The following CENPN variants were observed in gnomAD, a reference collection of about 807,000 sequenced individuals.
CENPN encodes interphase centromere complex protein 32.
CENPN carries 36 observed loss-of-function variants against 48.6 expected under a neutral mutation model. That is an observed-to-expected ratio of 0.74 (90% CI 0.57 to 0.98). The LOEUF (loss-of-function observed/expected upper bound fraction) is 0.98, where lower values mean the gene tolerates loss of function less well. Ranked by LOEUF, CENPN falls within the 50% of genes least tolerant of loss-of-function variation. CENPN has a pLI of 0.00. For missense variants in CENPN, 439 were observed against 399.2 expected, an observed-to-expected ratio of 1.10 and a Z score of -0.85; for synonymous variants, 166 against 135.2, an observed-to-expected ratio of 1.23 and a Z score of -1.58.
intron 6 of CENPN, chr16:81,022,384 A>G (rs563989514): frequency 6.1e-6 from 3 of 490,722 alleles, no homozygotes; most frequent in South Asian, 2.8e-5. Context: ...TTTCTAAGAA[A>G]TGATACAAAA....
At chr16:81,017,289 T>A in intron 3 of CENPN, 37 bp from the exon 4 acceptor site, 1 of 1,391,966 alleles carries the variant, frequency 7.2e-7, no homozygotes, top group East Asian at 2.3e-5. Context: ...CAAAGTTCTA[T>A]GATATGCTAG....
downstream of CENPN, among the ~76,000 whole-genome samples, chr16:81,032,384 A>C (rs147037125): frequency 3.3e-5 from 5 of 152,272 alleles, no homozygotes; most frequent in Admixed American, 2.0e-4. Flanking sequence ...GAAGAATTAC[A>C]CACGTTCCCC....
At chr16:81,023,235 C>A in intron 7 of CENPN, 1 of 253,736 alleles carries the variant, frequency 3.9e-6, no homozygotes, top group Non-Finnish European at 7.7e-6. Context: ...TGGCAGATGT[C>A]TGCATATGTG....
At position 81,020,254 on chromosome 16, in the gene CENPN, G is replaced by A. The variant is rs753087047; in HGVS notation, c.509G>A (p.Arg170His). ...TTCACGTCCTCCTCCATGCTGAGGC[G>A]CAATACACCGCTTCTGGGTCAGGTA... Reference protein sequence around the residue: ...YAFTSSSMLRRNTPLLGQALT... With the variant: ...YAFTSSSMLRHNTPLLGQALT... The change falls in exon 6 of 11, where the codon CGC becomes CAC. Residue 170 changes from arginine (R) to histidine (H), a missense_variant. Coordinates refer to ENST00000305850, the MANE Select transcript of CENPN (RefSeq NM_001100624.3). 15 of 1,609,780 alleles carry A rather than the reference G, an allele frequency of 9.3e-6. No homozygotes were observed. Among genetic ancestry groups the A allele is most frequent in the African/African-American group, 4.0e-5 (3 of 74,630 alleles).
chr16:81,021,395 G>T (rs962009737), intron 6 of CENPN, among the ~76,000 whole-genome samples: 10 of 152,010 alleles, frequency 6.6e-5, no homozygotes, highest in African/African-American at 2.4e-4. Context: ...AACCTCAGTG[G>T]CACCTTCAAT....
chr16:81,015,746 C>A (rs1969905508), intron 3 of CENPN, among the ~76,000 whole-genome samples: 1 of 152,242 alleles, frequency 6.6e-6, no homozygotes, highest in Admixed American at 6.5e-5. Flanking sequence ...TGGCTCACAC[C>A]TGTAATCCCA....
rs935041896 is a variant in CENPN, at chr16:81,031,335, A to G, written c.*2684A>G. On this transcript the variant is annotated 3_prime_UTR_variant, in exon 11 of 11. Transcript: ENST00000305850. ...TTGTACTAAGCCAGTTGCCTCTTTC[A>G]AAACAACTTGTCAACTTGTCTAATC... 1 of 152,236 alleles carries G rather than the reference A, an allele frequency of 6.6e-6. No homozygotes were observed. Among genetic ancestry groups the G allele is most frequent in the Non-Finnish European group, 1.5e-5 (1 of 68,052 alleles). The allele number at this position is 152,236 out of a possible 1,614,324, so 9.4% of individuals were successfully genotyped here. A position where few individuals can be genotyped will look rare whatever the true frequency, so the allele number is the denominator to read the frequency against.
At position 81,010,967 on chromosome 16, in the gene CENPN, G is replaced by T. The variant is rs868838657; in HGVS notation, c.-10-963G>T. Among the ~76,000 whole-genome samples the T allele has an allele frequency of 2.0e-5, 3 of 152,284 alleles. No individual in the cohort carries two copies. The South Asian group carries it at 6.2e-4, about 32-fold the overall frequency. ...TAGCGAGATTGATCCTGGTAGAAAA[G>T]CTAAACAAGAGCATGTCCTGCCTGT... On this transcript the variant is annotated intron_variant, in intron 1 of 10. Coordinates refer to ENST00000305850, the MANE Select transcript of CENPN (RefSeq NM_001100624.3).
chr16:81,017,695 A>C, intron 4 of CENPN, 63 bp from the exon 5 acceptor site: 1 of 1,125,744 alleles, frequency 8.9e-7, no homozygotes, highest in Non-Finnish European at 1.3e-6. Context: ...TACTTTACGA[A>C]TGTATTTACT....
intron 3 of CENPN, among the ~76,000 whole-genome samples, chr16:81,015,040 G>A (rs1382655898): frequency 1.3e-5 from 2 of 152,192 alleles, no homozygotes; most frequent in Admixed American, 6.5e-5. Flanking sequence ...ATGAAGGTTA[G>A]GTGAATTATT....
intron 3 of CENPN, 183 bp downstream of exon 3, chr16:81,014,364 A>G: frequency 1.7e-6 from 1 of 599,982 alleles, no homozygotes; most frequent in Non-Finnish European, 3.0e-6. Flanking sequence ...CCTCCCGAGT[A>G]GCTGGGACTA....
chr16:81,031,668 T>C (rs935852100), downstream of CENPN, among the ~76,000 whole-genome samples: 9 of 152,224 alleles, frequency 5.9e-5, no homozygotes, highest in Admixed American at 3.9e-4. Flanking sequence ...AGTTGTCTCA[T>C]TCCTTAACCC....
At position 81,030,500 on chromosome 16, in the gene CENPN, G is replaced by A. The variant is rs865906169; in HGVS notation, c.*1849G>A. The A allele has an allele frequency of 1.4e-6, 1 of 729,034 alleles. No individual in the cohort carries two copies. The highest frequency in any genetic ancestry group is 1.3e-4 in the East Asian group (1 of 7,556). 45.2% of individuals were successfully genotyped at this position (729,034 alleles called of 1,614,324 possible). A position where few individuals can be genotyped will look rare whatever the true frequency, so the allele number is the denominator to read the frequency against. ...GTAGTGGCTCACGCCTGTAATCCTAGCACTTTGGGAAGCCGAGGTGGGCAG... is the reference window on the plus strand; with the variant it reads ...GTAGTGGCTCACGCCTGTAATCCTAACACTTTGGGAAGCCGAGGTGGGCAG... On this transcript the variant is annotated 3_prime_UTR_variant, in exon 11 of 11. Transcript: ENST00000305850.
chr16:81,028,371 T>C, intron 10 of CENPN, 74 bp downstream of exon 10: 2 of 1,566,906 alleles, frequency 1.3e-6, no homozygotes, highest in African/African-American at 1.4e-5. Flanking sequence ...AATCTGCTAA[T>C]TACTTCTGAG....
At position 81,019,991 on chromosome 16, in the gene CENPN, A is replaced by G. The variant is rs1208256562; in HGVS notation, c.355-109A>G. The G allele has an allele frequency of 6.4e-6, 5 of 784,968 alleles. No individual in the cohort carries two copies. In the East Asian group the frequency reaches 8.9e-5, roughly 14 times the overall value. 48.6% of individuals were successfully genotyped at this position (784,968 alleles called of 1,614,324 possible). ...AAAAGACTGCCAGGTCTCAACCTGC[A>G]TACAAGAGTATAGGGACATCATTGT... On this transcript the variant is annotated intron_variant, in intron 5 of 10. Transcript: ENST00000305850.
At chr16:81,020,983 T>C (rs1411375039) in intron 6 of CENPN, among the ~76,000 whole-genome samples, 2 of 151,848 alleles carry the variant, frequency 1.3e-5, no homozygotes, top group Non-Finnish European at 2.9e-5. Flanking sequence ...TCCCAGTTAC[T>C]TGGGAGGCTG....
chr16:81,021,153 C>T (rs553289684), intron 6 of CENPN, among the ~76,000 whole-genome samples: 1 of 151,796 alleles, frequency 6.6e-6, no homozygotes, highest in Non-Finnish European at 1.5e-5. Context: ...TACCTCATTA[C>T]TTTTTCATAA....
At chr16:81,014,990 T>C (rs1969881672) in intron 3 of CENPN, among the ~76,000 whole-genome samples, 1 of 152,242 alleles carries the variant, frequency 6.6e-6, no homozygotes. Flanking sequence ...ATGTAAGTGC[T>C]CTGAGCACAC....
chr16:81,031,368 G>A lies in CENPN; in HGVS notation c.*2717G>A, dbSNP rs1285984045. 1 of 152,110 alleles carries A rather than the reference G, an allele frequency of 6.6e-6. No homozygotes were observed. The highest frequency in any genetic ancestry group is 1.9e-4 in the East Asian group (1 of 5,184). 9.4% of individuals were successfully genotyped at this position (152,110 alleles called of 1,614,324 possible). A position where few individuals can be genotyped will look rare whatever the true frequency, so the allele number is the denominator to read the frequency against. ...TTGTCAACTTGTCTAATCACCCTCA[G>A]CTTTTTTTAAAAACCCCTCCTCTAC... On this transcript the variant is annotated 3_prime_UTR_variant, in exon 11 of 11. Transcript: ENST00000305850.
Sources: gnomAD v4.1 joint callset for allele counts (sites outside exome capture counted in the v4.1 genomes callset) on GRCh38, gnomAD v4.1.1 for gene constraint, MANE v1.5 for transcripts, NCBI Gene and HGNC (gene_info 2026-07-23, HGNC 2026-07-21) for gene names.